SCFD2: variants seen among roughly 807,000 people sequenced by gnomAD.
The protein encoded by SCFD2 is sec1 family domain containing 2, also known as sec1 family domain-containing protein 2.
A neutral mutation model predicts 58.9 loss-of-function variants in SCFD2; 54 were observed. That is an observed-to-expected ratio of 0.92 (90% CI 0.74 to 1.15). The LOEUF is 1.15. Among genes scored for constraint, SCFD2 ranks in the 50% most tolerant of loss-of-function variants. The pLI is 0.00. For missense variants in SCFD2, 805 were observed against 836.6 expected, an observed-to-expected ratio of 0.96 and a Z score of 0.47; for synonymous variants, 321 against 335.9, an observed-to-expected ratio of 0.96 and a Z score of 0.49.
At chr4:53,145,899 A>G (rs1323931028) in intron 4 of SCFD2, among the ~76,000 whole-genome samples, 1 of 152,234 alleles carries the variant, frequency 6.6e-6, no homozygotes, top group Non-Finnish European at 1.5e-5. Context: ...GAAATTTTAA[A>G]GAAAAATAGT....
chr4:53,213,805 C>T (rs1728706088), intron 4 of SCFD2, among the ~76,000 whole-genome samples: 1 of 152,082 alleles, frequency 6.6e-6, no homozygotes. Flanking sequence ...TCCCTCCCTC[C>T]TCCCACCACC....
At chr4:53,207,671 TG>T (rs1436651685) in intron 4 of SCFD2, among the ~76,000 whole-genome samples, 1 of 146,718 alleles carries the variant, frequency 6.8e-6, no homozygotes, top group Non-Finnish European at 1.5e-5. Flanking sequence ...TGGGGCCTGG[TG>T]GGAGGTGATT....
At chr4:53,287,097 T>A (rs926550219) in intron 3 of SCFD2, among the ~76,000 whole-genome samples, 1 of 152,144 alleles carries the variant, frequency 6.6e-6, no homozygotes, top group African/African-American at 2.4e-5. Flanking sequence ...GACATAAACC[T>A]GTCCCCGGGT....
intron 5 of SCFD2, among the ~76,000 whole-genome samples, chr4:53,028,984 C>A (rs1377049816): frequency 6.6e-6 from 1 of 152,188 alleles, no homozygotes; most frequent in African/African-American, 2.4e-5. Context: ...TTATAGCTTG[C>A]TTTGAAATCT....
At chr4:53,254,878 TA>T in intron 4 of SCFD2, among the ~76,000 whole-genome samples, 1 of 148,186 alleles carries the variant, frequency 6.7e-6, no homozygotes, top group Non-Finnish European at 1.5e-5. Context: ...TATTTTATTT[TA>T]TTTTATTTTT....
intron 5 of SCFD2, among the ~76,000 whole-genome samples, chr4:53,021,542 T>C (rs1161459235): frequency 6.6e-6 from 1 of 152,142 alleles, no homozygotes; most frequent in Non-Finnish European, 1.5e-5. Flanking sequence ...GTTTACTGTC[T>C]AGTGGGAGAG....
At chr4:52,979,702 T>C (rs754612388) in intron 5 of SCFD2, among the ~76,000 whole-genome samples, 15 of 152,172 alleles carry the variant, frequency 9.9e-5, no homozygotes, top group Non-Finnish European at 1.8e-4. Flanking sequence ...ACACACTTAA[T>C]AGGACAAAAT....
chr4:53,331,324 A>G (rs989267620), intron 2 of SCFD2, among the ~76,000 whole-genome samples: 3 of 151,848 alleles, frequency 2.0e-5, no homozygotes, highest in African/African-American at 7.3e-5. Context: ...CACCTATTCC[A>G]AAATTGACCA....
At chr4:53,310,057 G>C (rs1009269698) in intron 3 of SCFD2, among the ~76,000 whole-genome samples, 3 of 152,144 alleles carry the variant, frequency 2.0e-5, no homozygotes, top group African/African-American at 7.2e-5. Context: ...AACACAGAGA[G>C]ACATATAAGA....
At position 53,051,585 on chromosome 4, in the gene SCFD2, A is replaced by G. The variant is rs184821808; in HGVS notation, c.1561+93748T>C. ...GTGAGAAAATTAAATTTTATTAGGT[A>G]AAGCCACTTTATAATTTGCAATTTT... On this transcript the variant is annotated intron_variant, in intron 5 of 8. Transcript: ENST00000401642. 7.8e-4 allele frequency among the ~76,000 whole-genome samples: 119 copies of G among 152,306 alleles called. 1 individual carries two copies. Among genetic ancestry groups the G allele is most frequent in the Admixed American group, 2.5e-3 (38 of 15,290 alleles).
chr4:53,160,258 G>C (rs1726813630), intron 4 of SCFD2, among the ~76,000 whole-genome samples: 1 of 152,182 alleles, frequency 6.6e-6, no homozygotes, highest in African/African-American at 2.4e-5. Flanking sequence ...GAACTGGTAT[G>C]ATCTTGTTTT....
At chr4:53,038,797 TC>T (rs1722826392) in intron 5 of SCFD2, among the ~76,000 whole-genome samples, 1 of 151,754 alleles carries the variant, frequency 6.6e-6, no homozygotes, top group Admixed American at 6.6e-5. Flanking sequence ...CAAGCAATCC[TC>T]CCACCTTCGC....
intron 2 of SCFD2, among the ~76,000 whole-genome samples, chr4:53,343,839 C>G (rs1733967772): frequency 1.3e-5 from 2 of 152,060 alleles, no homozygotes; most frequent in South Asian, 2.1e-4. Flanking sequence ...ATAAACAGAA[C>G]CAAAGACAAA....
At chr4:52,975,842 C>T (rs931084832) in intron 5 of SCFD2, among the ~76,000 whole-genome samples, 16 of 152,026 alleles carry the variant, frequency 1.1e-4, no homozygotes, top group Admixed American at 3.3e-4. Flanking sequence ...ATTACGCAGC[C>T]ATAAAAAAGG....
chr4:53,146,183 T>G (rs1726326746), intron 4 of SCFD2, among the ~76,000 whole-genome samples: 1 of 152,100 alleles, frequency 6.6e-6, no homozygotes, highest in Non-Finnish European at 1.5e-5. Flanking sequence ...TAACTCGCAT[T>G]AAATTTAAAA....
chr4:52,942,513 T>C lies in SCFD2; in HGVS notation c.1562-21643A>G, dbSNP rs183866698. Among the ~76,000 whole-genome samples, 3 of 152,236 alleles carry C rather than the reference T, an allele frequency of 2.0e-5. No homozygotes were observed. The East Asian group carries it at 5.8e-4, about 29-fold the overall frequency. On this transcript the variant is annotated intron_variant, in intron 5 of 8. Transcript: ENST00000401642. Reference sequence around the variant, plus strand: ...GACTGTTATGAGTCCTGTTCTGCCATTCATTAGTTGTGGGGGCCTGAGCAA... The same window carrying C: ...GACTGTTATGAGTCCTGTTCTGCCACTCATTAGTTGTGGGGGCCTGAGCAA...
At chr4:53,247,253 A>G (rs1730116093) in intron 4 of SCFD2, among the ~76,000 whole-genome samples, 1 of 152,194 alleles carries the variant, frequency 6.6e-6, no homozygotes, top group East Asian at 1.9e-4. Context: ...GTCAAAAAAC[A>G]GGTGCTGGTG....
chr4:53,226,426 GTAT>G (rs1729218525), intron 4 of SCFD2, among the ~76,000 whole-genome samples: 1 of 151,980 alleles, frequency 6.6e-6, no homozygotes, highest in African/African-American at 2.4e-5. Context: ...ATATTGATAA[GTAT>G]TATCATATGG....
intron 3 of SCFD2, among the ~76,000 whole-genome samples, chr4:53,302,560 A>C (rs1026686893): frequency 3.3e-5 from 5 of 152,222 alleles, no homozygotes; most frequent in Admixed American, 1.3e-4. Flanking sequence ...CATCCCCATC[A>C]AGCTACCAAT....
Sources: gnomAD v4.1 joint callset for allele counts (sites outside exome capture counted in the v4.1 genomes callset) on GRCh38, gnomAD v4.1.1 for gene constraint, MANE v1.5 for transcripts, NCBI Gene and HGNC (gene_info 2026-07-23, HGNC 2026-07-21) for gene names.